The following SLC7A9 variants were observed in gnomAD, a reference collection of about 807,000 sequenced individuals.
SLC7A9 encodes the protein B(0,+)-type amino acid transporter 1.
Under a neutral mutation model 54.1 loss-of-function variants are expected in SLC7A9, and 38 were observed. That is an observed-to-expected ratio of 0.70 (90% confidence interval 0.54 to 0.92). SLC7A9 has a LOEUF of 0.92. Ranked by LOEUF, SLC7A9 falls within the 40% of genes least tolerant of loss-of-function variation. SLC7A9 has a pLI of 0.00. For missense variants in SLC7A9, 537 were observed against 636.1 expected, an observed-to-expected ratio of 0.84 and a Z score of 1.68; for synonymous variants, 264 against 258.9, an observed-to-expected ratio of 1.02 and a Z score of -0.19.
intron 12 of SLC7A9, among the ~76,000 whole-genome samples, chr19:32,831,818 T>G (rs915519743): frequency 2.0e-5 from 3 of 152,236 alleles, no homozygotes; most frequent in Non-Finnish European, 2.9e-5. Flanking sequence ...TTGTGTGTCT[T>G]TGCAATGCTG....
At chr19:32,833,012 C>A in intron 12 of SLC7A9, 137 bp downstream of exon 12, 1 of 851,670 alleles carries the variant, frequency 1.2e-6, no homozygotes, top group South Asian at 1.4e-5. Context: ...AGGGCGTGGG[C>A]ATGTGTCCTC....
chr19:32,842,597 T>TTTTGTTTTG (rs1968159846), intron 10 of SLC7A9, among the ~76,000 whole-genome samples: 41 of 149,114 alleles, frequency 2.7e-4, no homozygotes, highest in South Asian at 2.6e-3. Flanking sequence ...ACTGTGGGTT[T>TTTTGTTTTG]TTTTGTTTTG....
At chr19:32,831,955 G>A (rs939882757) in intron 12 of SLC7A9, among the ~76,000 whole-genome samples, 2 of 152,192 alleles carry the variant, frequency 1.3e-5, no homozygotes, top group African/African-American at 4.8e-5. Context: ...AGATAGAAAC[G>A]TTTATGTTGT....
intron 2 of SLC7A9, 83 bp from the exon 3 acceptor site, chr19:32,864,859 G>A: frequency 1.3e-6 from 2 of 1,578,566 alleles, no homozygotes; most frequent in Middle Eastern, 1.8e-4. Flanking sequence ...CCTCGGTACG[G>A]CCAGGGCGGC....
At chr19:32,866,937 C>T (rs997571506) in intron 2 of SLC7A9, among the ~76,000 whole-genome samples, 1 of 152,220 alleles carries the variant, frequency 6.6e-6, no homozygotes, top group African/African-American at 2.4e-5. Context: ...GCCCTCCCTG[C>T]GCCTCCATGC....
chr19:32,838,610 C>T (rs999843010), intron 11 of SLC7A9, among the ~76,000 whole-genome samples: 2 of 147,188 alleles, frequency 1.4e-5, no homozygotes, highest in African/African-American at 2.5e-5. Flanking sequence ...ATACATATAC[C>T]TATAATATAT....
At chr19:32,864,045 AC>A in intron 4 of SLC7A9, 50 bp downstream of exon 4, 1 of 1,611,946 alleles carries the variant, frequency 6.2e-7, no homozygotes, top group East Asian at 2.2e-5. Flanking sequence ...GTCCCCAGAC[AC>A]CCTCTGTGCC....
Position 32,865,330 on chromosome 19 carries a change from ATCTC to A in SLC7A9, c.88-558_88-555del, listed in dbSNP as rs558275520. 1.5e-3 allele frequency among the ~76,000 whole-genome samples: 227 copies of A among 152,234 alleles called. 1 individual carries two copies. Among genetic ancestry groups the A allele is most frequent in the African/African-American group, 5.2e-3 (217 of 41,536 alleles). On this transcript the variant is annotated intron_variant, in intron 2 of 12. Transcript: ENST00000023064. ...TATTTACTTATTTATTTAGAGTCAG[ATCTC>A]TCTCTGTCACCCAGGCTGGAGCACA...
At position 32,858,506 on chromosome 19, in the gene SLC7A9, A is replaced by G; in HGVS notation, c.911T>C (p.Ile304Thr). 3.7e-6 allele frequency: 6 copies of G among 1,613,510 alleles called. No individual in the cohort carries two copies. Among genetic ancestry groups the G allele is most frequent in the Non-Finnish European group, 5.1e-6 (6 of 1,179,932 alleles). ...TGAAAATGCCACAAAAAGTGGAACG[A>G]TCCAAGAAGCAGGATAGAGAACACG... ...GDRVLYPASW[I>T]VPLFVAFSTI... Residue 304 changes from isoleucine (I) to threonine (T), a missense_variant, in exon 9 of 13, where the codon ATC (isoleucine) becomes ACC (threonine). Physicochemically the swap from Ile to Thr is moderately conservative, Grantham distance 89 (BLOSUM62 -1). Coordinates refer to ENST00000023064, the MANE Select transcript of SLC7A9 (RefSeq NM_014270.5).
intron 9 of SLC7A9, among the ~76,000 whole-genome samples, chr19:32,847,660 T>C (rs182627108): frequency 3.3e-5 from 5 of 152,030 alleles, no homozygotes; most frequent in South Asian, 2.1e-4. Context: ...GGCAGGCCAA[T>C]ATTCAGATTC....
chr19:32,866,230 C>T (rs927849269), intron 2 of SLC7A9, among the ~76,000 whole-genome samples: 1 of 152,124 alleles, frequency 6.6e-6, no homozygotes, highest in Admixed American at 6.6e-5. Context: ...TGGGGAGCAG[C>T]GTCTGCTTTC....
chr19:32,837,656 G>T (rs566847089), intron 11 of SLC7A9, among the ~76,000 whole-genome samples: 2 of 152,250 alleles, frequency 1.3e-5, no homozygotes, highest in African/African-American at 4.8e-5. Context: ...GTTGACCAAT[G>T]ACTGCCTTTA....
At chr19:32,838,504 G>A (rs1460252418) in intron 11 of SLC7A9, among the ~76,000 whole-genome samples, 3 of 146,162 alleles carry the variant, frequency 2.1e-5, no homozygotes, top group Non-Finnish European at 4.5e-5. Context: ...TATATAATAG[G>A]CATAATATAC....
intron 6 of SLC7A9, 26 bp downstream of exon 6, chr19:32,862,092 A>G (rs778080940): frequency 6.6e-7 from 1 of 1,509,172 alleles, no homozygotes; most frequent in South Asian, 1.1e-5. Flanking sequence ...CCACCCCCAG[A>G]CTCGGGACAT....
intron 4 of SLC7A9, 33 bp from the exon 5 acceptor site, chr19:32,862,619 G>T: frequency 6.2e-7 from 1 of 1,611,592 alleles, no homozygotes. Flanking sequence ...TGCATTTATG[G>T]TTTTCAGCAA....
chr19:32,864,418 G>GA, intron 3 of SLC7A9, 80 bp from the exon 4 acceptor site: 1 of 1,595,484 alleles, frequency 6.3e-7, no homozygotes. Flanking sequence ...CCCACCGGAG[G>GA]CTGCGCTCGT....
intron 8 of SLC7A9, 97 bp from the exon 9 acceptor site, chr19:32,858,640 AC>A: frequency 1.1e-6 from 1 of 908,136 alleles, no homozygotes; most frequent in Non-Finnish European, 1.8e-6. Flanking sequence ...GGACCCAGGG[AC>A]CCACCTCGCC....
At chr19:32,859,776 T>G in intron 8 of SLC7A9, 65 bp downstream of exon 8, 1 of 1,363,110 alleles carries the variant, frequency 7.3e-7, no homozygotes, top group Non-Finnish European at 1.1e-6. Context: ...CCTCCAGTGC[T>G]GACACCTGCC....
At chr19:32,860,318 A>T in intron 7 of SLC7A9, 1 of 1,384,660 alleles carries the variant, frequency 7.2e-7, no homozygotes, top group Non-Finnish European at 9.4e-7. Context: ...GCACTTTGGG[A>T]GGCCGAGATG....
Sources: gnomAD v4.1 joint callset for allele counts (sites outside exome capture counted in the v4.1 genomes callset) on GRCh38, gnomAD v4.1.1 for gene constraint, MANE v1.5 for transcripts, NCBI Gene and HGNC (gene_info 2026-07-23, HGNC 2026-07-21) for gene names.